FDX1: variants seen among roughly 807,000 people sequenced by gnomAD.
The protein encoded by FDX1 is adrenodoxin, mitochondrial.
A neutral mutation model predicts 14.9 loss-of-function variants in FDX1; 9 were observed. That is an observed-to-expected ratio of 0.60 (90% CI 0.36 to 1.05). The LOEUF (loss-of-function observed/expected upper bound fraction) is 1.05, where lower values mean the gene tolerates loss of function less well. Ranked by LOEUF, FDX1 falls within the 50% of genes least tolerant of loss-of-function variation. FDX1 has a pLI of 0.01. For missense variants in FDX1, 204 were observed against 237.2 expected (o/e 0.86, Z 0.92); for synonymous variants, 92 against 99.4 (o/e 0.93, Z 0.44).
chr11:110,452,313 G>C (rs947961648), intron 2 of FDX1, among the ~76,000 whole-genome samples: 9 of 152,052 alleles, frequency 5.9e-5, no homozygotes, highest in Non-Finnish European at 1.2e-4. Flanking sequence ...ACTACAGACT[G>C]GGAGAAAATA....
At position 110,456,855 on chromosome 11, in the gene FDX1, T is replaced by C; in HGVS notation, c.311-63T>C. The C allele has an allele frequency of 2.0e-6, 3 of 1,518,694 alleles. No individual in the cohort carries two copies. In the South Asian group the frequency reaches 3.9e-5, roughly 20 times the overall value. 94.1% of individuals were successfully genotyped at this position (1,518,694 alleles called of 1,614,324 possible). A position where few individuals can be genotyped will look rare whatever the true frequency, so the allele number is the denominator to read the frequency against. ...GATTCTAACATTTAGAAGCCTTTACTGAACCAGGTATGAATCGTCTGATGT... is the reference window on the plus strand; with the variant it reads ...GATTCTAACATTTAGAAGCCTTTACCGAACCAGGTATGAATCGTCTGATGT... On this transcript the variant is annotated intron_variant, in intron 2 of 3. Coordinates refer to ENST00000260270, the MANE Select transcript of FDX1 (RefSeq NM_004109.5).
At chr11:110,445,263 A>G (rs1466126746) in intron 2 of FDX1, among the ~76,000 whole-genome samples, 1 of 152,214 alleles carries the variant, frequency 6.6e-6, no homozygotes, top group African/African-American at 2.4e-5. Flanking sequence ...TGCTTTTTGC[A>G]TAAATAATTT....
At chr11:110,429,647 A>T (rs1326062443), upstream of FDX1, among the ~76,000 whole-genome samples, 1 of 151,404 alleles carries the variant, frequency 6.6e-6, no homozygotes, top group Non-Finnish European at 1.5e-5. Flanking sequence ...CTCTAACTTG[A>T]CTCCAAGATG....
At chr11:110,431,433 C>CT (rs1458700094) in intron 1 of FDX1, among the ~76,000 whole-genome samples, 2 of 152,100 alleles carry the variant, frequency 1.3e-5, no homozygotes, top group African/African-American at 4.8e-5. Flanking sequence ...TTTGAGGTCT[C>CT]TGAGAGCAGG....
intron 2 of FDX1, among the ~76,000 whole-genome samples, chr11:110,444,708 A>ATATATATATACGTG (rs1946434608): frequency 2.1e-5 from 1 of 46,648 alleles, no homozygotes; most frequent in African/African-American, 1.1e-4. Context: ...ATATATACGT[A>ATATATATATACGTG]TATATATATA....
chr11:110,454,619 G>C (rs975467753), intron 2 of FDX1, among the ~76,000 whole-genome samples: 2 of 152,036 alleles, frequency 1.3e-5, no homozygotes, highest in African/African-American at 4.8e-5. Flanking sequence ...AAATAAAGTT[G>C]AATTACTCTA....
chr11:110,460,700 A>G (rs1946551202), intron 3 of FDX1, among the ~76,000 whole-genome samples: 4 of 152,222 alleles, frequency 2.6e-5, no homozygotes, highest in African/African-American at 9.7e-5. Flanking sequence ...TGCTGGCATT[A>G]GCAACCAATC....
At position 110,430,283 on chromosome 11, in the gene FDX1, G is replaced by T; in HGVS notation, c.163G>T (p.Val55Leu). The change falls in exon 1 of 4, where the codon GTG becomes TTG. Residue 55 changes from valine (V) to leucine (L), a missense_variant. By Grantham distance (32) the Val-to-Leu change is conservative. Transcript: ENST00000260270. Reference sequence around the variant, plus strand: ...CGCGGAGGCGAGCCGGTCGCTGAGCGTGTCGGCGCGGGCCCGGAGCAGGTA... The same window carrying T: ...CGCGGAGGCGAGCCGGTCGCTGAGCTTGTCGGCGCGGGCCCGGAGCAGGTA... Reference protein sequence around the residue: ...GSAEASRSLSVSARARSSSED... With the variant: ...GSAEASRSLSLSARARSSSED... The T allele has an allele frequency of 8.3e-7, 1 of 1,200,540 alleles. No individual in the cohort carries two copies. Among genetic ancestry groups the T allele is most frequent in the Non-Finnish European group, 1.0e-6 (1 of 967,678 alleles). 74.4% of individuals were successfully genotyped at this position (1,200,540 alleles called of 1,614,324 possible). A position where few individuals can be genotyped will look rare whatever the true frequency, so the allele number is the denominator to read the frequency against.
intron 2 of FDX1, among the ~76,000 whole-genome samples, chr11:110,452,831 C>T (rs1946495408): frequency 6.6e-6 from 1 of 152,186 alleles, no homozygotes; most frequent in African/African-American, 2.4e-5. Context: ...AAGCCAGTTT[C>T]AGTCAAACAC....
intron 1 of FDX1, among the ~76,000 whole-genome samples, chr11:110,434,823 T>C (rs1946358226): frequency 6.6e-6 from 1 of 151,288 alleles, no homozygotes; most frequent in Non-Finnish European, 1.5e-5. Flanking sequence ...CCTGAACTTC[T>C]GGGATCGGGT....
intron 2 of FDX1, among the ~76,000 whole-genome samples, chr11:110,452,647 T>C (rs988125794): frequency 6.6e-6 from 1 of 152,168 alleles, no homozygotes; most frequent in Non-Finnish European, 1.5e-5. Context: ...TTTACACCTT[T>C]AATTTCTTGG....
At chr11:110,450,822 A>G (rs1946481423) in intron 2 of FDX1, among the ~76,000 whole-genome samples, 1 of 152,208 alleles carries the variant, frequency 6.6e-6, no homozygotes, top group South Asian at 2.1e-4. Context: ...ATATACATGT[A>G]CATACATGTA....
intron 3 of FDX1, among the ~76,000 whole-genome samples, chr11:110,461,338 A>T (rs1282248776): frequency 6.6e-6 from 1 of 151,910 alleles, no homozygotes; most frequent in African/African-American, 2.4e-5. Context: ...TCTACAAAAA[A>T]TACAAAAATT....
intron 1 of FDX1, among the ~76,000 whole-genome samples, chr11:110,434,930 T>C (rs889101606): frequency 6.6e-6 from 1 of 150,656 alleles, no homozygotes; most frequent in African/African-American, 2.4e-5. Flanking sequence ...TTTATTTTTA[T>C]TTTTTGTAGC....
intron 2 of FDX1, among the ~76,000 whole-genome samples, chr11:110,449,762 GGAT>G (rs1241180842): frequency 6.6e-6 from 1 of 152,016 alleles, no homozygotes; most frequent in East Asian, 1.9e-4. Flanking sequence ...CTAATAGCTG[GGAT>G]TATAGGTGAG....
chr11:110,460,419 C>G (rs1476660118), intron 3 of FDX1, among the ~76,000 whole-genome samples: 1 of 152,212 alleles, frequency 6.6e-6, no homozygotes, highest in Admixed American at 6.5e-5. Flanking sequence ...CTAAAACACC[C>G]ATCTTGCTTT....
At position 110,445,680 on chromosome 11, in the gene FDX1, C is replaced by A. The variant is rs532816767; in HGVS notation, c.310+9722C>A. Among the ~76,000 whole-genome samples, 3 of 152,216 alleles carry A rather than the reference C, an allele frequency of 2.0e-5. No homozygotes were observed. In the East Asian group the frequency reaches 5.8e-4, roughly 29 times the overall value. On this transcript the variant is annotated intron_variant, in intron 2 of 3. Transcript: ENST00000260270. Reference sequence around the variant, plus strand: ...AGAATGTCCTGCCTGGGCTTCTTTCCCAGCTGTATCCCTTTTTCAGCTTTG... The same window carrying A: ...AGAATGTCCTGCCTGGGCTTCTTTCACAGCTGTATCCCTTTTTCAGCTTTG...
chr11:110,453,981 G>C lies in FDX1; in HGVS notation c.311-2937G>C, dbSNP rs143262987. Among the ~76,000 whole-genome samples, 585 of 152,202 alleles carry C rather than the reference G, an allele frequency of 3.8e-3. 7 individuals are homozygous for C. The highest frequency in any genetic ancestry group is 0.013 in the African/African-American group (556 of 41,536). ...AAAGAATAACAAAGGATAAATTGTTGGCAAGTTTTTTTGGCAGAAAAGGTT... is the reference window on the plus strand; with the variant it reads ...AAAGAATAACAAAGGATAAATTGTTCGCAAGTTTTTTTGGCAGAAAAGGTT... On this transcript the variant is annotated intron_variant, in intron 2 of 3. Transcript: ENST00000260270.
rs749892432 is a variant in FDX1 at position 110,435,879 on chromosome 11, A to G, written c.231A>G (p.Glu77=). 4 of 1,611,652 alleles carry G rather than the reference A, an allele frequency of 2.5e-6. No individual in the cohort carries two copies. Among genetic ancestry groups the G allele is most frequent in the Admixed American group, 3.3e-5 (2 of 59,952 alleles). The change falls in exon 2 of 4, where the codon GAA becomes GAG. Residue 77 remains glutamate, a synonymous_variant. Transcript: ENST00000260270. ...TCCACTTTATAAACCGTGATGGTGA[A>G]ACATTAACAACCAAAGGAAAAGTTG... ...ITVHFINRDG[E]TLTTKGKVGD... is the part of the protein sequence containing the mutation.
Sources: gnomAD v4.1 joint callset for allele counts (sites outside exome capture counted in the v4.1 genomes callset) on GRCh38, gnomAD v4.1.1 for gene constraint, MANE v1.5 for transcripts, NCBI Gene and HGNC (gene_info 2026-07-23, HGNC 2026-07-21) for gene names.